EPHA5: variants seen among roughly 807,000 people sequenced by gnomAD.
EPHA5 encodes the protein EPH receptor A5.
Under a neutral mutation model 105.0 loss-of-function variants are expected in EPHA5, and 60 were observed. The ratio of observed to expected loss-of-function variants is 0.57; its 90% CI spans 0.46 to 0.71. EPHA5 has a LOEUF of 0.71. EPHA5 is among the 30% of genes least tolerant of loss of function. The probability of loss-of-function intolerance (pLI) is 0.00; values close to 1 mark genes in which losing one functional copy is unlikely to be tolerated. For missense variants in EPHA5, 1,218 were observed against 1,274.7 expected (o/e 0.96, Z 0.68); for synonymous variants, 513 against 449.1 (o/e 1.14, Z -1.80).
At chr4:65,556,097 C>A (rs1404049443) in intron 3 of EPHA5, among the ~76,000 whole-genome samples, 1 of 152,126 alleles carries the variant, frequency 6.6e-6, no homozygotes, top group Non-Finnish European at 1.5e-5. Context: ...TGAGAAAGAT[C>A]TATACCCTAG....
rs1328176132 is a variant in EPHA5, at chr4:65,490,511, T to C, written c.1268A>G (p.Asn423Ser). Residue 423 changes from asparagine (N) to serine (S), a missense_variant, in exon 5 of 17, where the codon AAC becomes AGC. By Grantham distance (46) the Asn-to-Ser change is conservative. Coordinates refer to ENST00000613740, the MANE Select transcript of EPHA5 (RefSeq NM_001281766.3). The stretch of plus-strand genomic sequence containing the variant: ...TAGATCCACCATCATGACAGAGGTG[T>C]TTTTCAGGCCGCTTTGCCGGGGAAG... ...RYLPRQSGLKNTSVMMVDLLA... is the reference protein window; with the variant it reads ...RYLPRQSGLKSTSVMMVDLLA... 6.2e-7 allele frequency: 1 copy of C among 1,613,990 alleles called. No homozygotes were observed. Among genetic ancestry groups the C allele is most frequent in the East Asian group, 2.2e-5 (1 of 44,862 alleles).
chr4:65,617,770 T>C lies in EPHA5; in HGVS notation c.247-15466A>G, dbSNP rs574371050. Reference sequence around the variant, plus strand: ...AGGGAAGGTTTTATAGTGAAGAGAATTGAATCTAGTTGGAAAAGGGTACTA... The same window carrying C: ...AGGGAAGGTTTTATAGTGAAGAGAACTGAATCTAGTTGGAAAAGGGTACTA... On this transcript the variant is annotated intron_variant, in intron 2 of 16. Transcript: ENST00000613740. Among the ~76,000 whole-genome samples, 4 of 152,248 alleles carry C rather than the reference T, an allele frequency of 2.6e-5. No individual in the cohort carries two copies. In the South Asian group the frequency reaches 6.2e-4, roughly 24 times the overall value.
chr4:65,642,155 C>G (rs1747725034), intron 2 of EPHA5, among the ~76,000 whole-genome samples: 1 of 151,946 alleles, frequency 6.6e-6, no homozygotes, highest in African/African-American at 2.4e-5. Context: ...CACAGCACAT[C>G]AGCCATCCTC....
chr4:65,624,212 T>C lies in EPHA5; in HGVS notation c.246+19151A>G, dbSNP rs1214659548. 3.3e-5 allele frequency among the ~76,000 whole-genome samples: 5 copies of C among 152,164 alleles called. No individual in the cohort carries two copies. The East Asian group carries it at 9.6e-4, about 29-fold the overall frequency. The stretch of plus-strand genomic sequence containing the variant: ...GGTAATAGTAAAATGAAAGAATTAT[T>C]ATGCTTCAGAGAATGTTAGAGAGGA... On this transcript the variant is annotated intron_variant, in intron 2 of 16. Transcript: ENST00000613740.
chr4:65,416,838 C>T (rs1723431350), intron 6 of EPHA5, among the ~76,000 whole-genome samples: 1 of 152,192 alleles, frequency 6.6e-6, no homozygotes, highest in Non-Finnish European at 1.5e-5. Flanking sequence ...CATTGTGAAT[C>T]ATCTAAGCGT....
chr4:65,402,354 A>G (rs567488076), intron 8 of EPHA5, among the ~76,000 whole-genome samples: 13 of 152,304 alleles, frequency 8.5e-5, no homozygotes, highest in African/African-American at 2.9e-4. Context: ...GCACGTATGC[A>G]CTAAAATGAT....
At chr4:65,377,114 A>T in intron 8 of EPHA5, 11 of 1,553,068 alleles carry the variant, frequency 7.1e-6, no homozygotes, top group Non-Finnish European at 8.8e-6. Flanking sequence ...CCACTCCCTC[A>T]AATATAGCAT....
chr4:65,581,850 A>T (rs1741658368), intron 3 of EPHA5, among the ~76,000 whole-genome samples: 1 of 151,786 alleles, frequency 6.6e-6, no homozygotes, highest in South Asian at 2.1e-4. Context: ...AAGAGTTTTA[A>T]CCATGTTTTA....
intron 1 of EPHA5, among the ~76,000 whole-genome samples, chr4:65,668,096 A>G (rs1386863508): frequency 6.6e-6 from 1 of 152,258 alleles, no homozygotes; most frequent in Non-Finnish European, 1.5e-5. Context: ...ATAAATGCAG[A>G]TAAATACACA....
intron 8 of EPHA5, among the ~76,000 whole-genome samples, chr4:65,377,328 C>T (rs528277849): frequency 1.3e-5 from 2 of 151,918 alleles, no homozygotes; most frequent in South Asian, 4.2e-4. Context: ...CCAATATATT[C>T]GAATTAATTG....
chr4:65,483,318 C>T (rs1730568292), intron 5 of EPHA5, among the ~76,000 whole-genome samples: 1 of 152,180 alleles, frequency 6.6e-6, no homozygotes, highest in African/African-American at 2.4e-5. Flanking sequence ...CCACAATAAA[C>T]ATACGTGTGC....
chr4:65,648,648 T>C (rs990292794), intron 1 of EPHA5, among the ~76,000 whole-genome samples: 1 of 152,202 alleles, frequency 6.6e-6, no homozygotes, highest in African/African-American at 2.4e-5. Context: ...TGGCCTTCTC[T>C]TTCTCTAAAG....
chr4:65,614,190 A>G (rs1484857064), intron 2 of EPHA5, among the ~76,000 whole-genome samples: 4 of 151,890 alleles, frequency 2.6e-5, no homozygotes, highest in South Asian at 4.1e-4. Flanking sequence ...TAGGTTATCA[A>G]TCACAGATGG....
At chr4:65,459,427 T>C (rs2149127078) in intron 5 of EPHA5, among the ~76,000 whole-genome samples, 1 of 152,010 alleles carries the variant, frequency 6.6e-6, no homozygotes, top group South Asian at 2.1e-4. Context: ...ACTGTTCTTT[T>C]TGAGGATTTT....
chr4:65,517,249 A>T (rs548132497), intron 3 of EPHA5, among the ~76,000 whole-genome samples: 113 of 151,958 alleles, frequency 7.4e-4, no homozygotes, highest in Non-Finnish European at 1.4e-3. Flanking sequence ...TTGTTCTGTA[A>T]TCTATCTTTA....
At chr4:65,474,722 T>C (rs1729626227) in intron 5 of EPHA5, among the ~76,000 whole-genome samples, 1 of 152,200 alleles carries the variant, frequency 6.6e-6, no homozygotes, top group South Asian at 2.1e-4. Flanking sequence ...CTTTGACTAT[T>C]TCAGTAATGT....
At chr4:65,642,519 C>T (rs1416764900) in intron 2 of EPHA5, among the ~76,000 whole-genome samples, 1 of 151,802 alleles carries the variant, frequency 6.6e-6, no homozygotes, top group East Asian at 1.9e-4. Flanking sequence ...TTAAGTACAT[C>T]TGTAACTTTT....
intron 3 of EPHA5, chr4:65,574,003 T>G: frequency 3.8e-6 from 6 of 1,595,682 alleles, no homozygotes; most frequent in Non-Finnish European, 5.2e-6. Context: ...CCTCTGGTCC[T>G]CAATCGAGTT....
At chr4:65,664,138 C>G (rs1578729341) in intron 1 of EPHA5, among the ~76,000 whole-genome samples, 1 of 151,844 alleles carries the variant, frequency 6.6e-6, no homozygotes, top group East Asian at 1.9e-4. Flanking sequence ...TAGAGAAAAA[C>G]TGTCCTAAGA....
Sources: allele counts gnomAD v4.1 joint callset (sites outside exome capture counted in the v4.1 genomes callset), GRCh38; gene constraint gnomAD v4.1.1; transcripts MANE v1.5; gene names NCBI Gene and HGNC (gene_info 2026-07-23, HGNC 2026-07-21).